Variants in FAM227B observed in about 807,000 individuals in gnomAD.
FAM227B encodes protein FAM227B.
In FAM227B, 88 loss-of-function variants were observed where a neutral mutation model predicts 73.8. The observed-to-expected ratio is 1.19, with a 90% confidence interval of 1.00 to 1.42. FAM227B has a LOEUF of 1.42. Among genes scored for constraint, FAM227B ranks in the 40% most tolerant of loss-of-function variants. FAM227B has a pLI of 0.00. For synonymous variants in FAM227B, 210 were observed against 190.5 expected (o/e 1.10, Z -0.84); for missense variants, 632 against 590.9 (o/e 1.07, Z -0.72).
intron 3 of FAM227B, among the ~76,000 whole-genome samples, chr15:49,601,052 A>G (rs1287628275): frequency 1.3e-5 from 2 of 150,956 alleles, no homozygotes; most frequent in East Asian, 3.9e-4. Flanking sequence ...AAAAAAAAAA[A>G]AAAAGAATTT....
intron 11 of FAM227B, chr15:49,486,482 T>A (rs1288904471): frequency 2.6e-5 from 4 of 151,974 alleles, no homozygotes; most frequent in Non-Finnish European, 5.9e-5. Context: ...TAGCAGACTA[T>A]CTGTTCATAA....
At chr15:49,616,855 C>T (rs1351307637) in intron 1 of FAM227B, among the ~76,000 whole-genome samples, 1 of 152,090 alleles carries the variant, frequency 6.6e-6, no homozygotes, top group African/African-American at 2.4e-5. Flanking sequence ...TCTTTGCAAT[C>T]TGTAGTGTCT....
At chr15:49,421,308 C>T (rs1344075570) in intron 11 of FAM227B, among the ~76,000 whole-genome samples, 1 of 152,078 alleles carries the variant, frequency 6.6e-6, no homozygotes, top group Non-Finnish European at 1.5e-5. Flanking sequence ...GAATTGTGGG[C>T]CCATCCTGAA....
At chr15:49,354,334 C>G (rs2042717399) in intron 13 of FAM227B, among the ~76,000 whole-genome samples, 1 of 152,176 alleles carries the variant, frequency 6.6e-6, no homozygotes, top group Non-Finnish European at 1.5e-5. Context: ...ATCTGAGGTA[C>G]CGGGTTCATC....
rs373620147 is a variant in FAM227B, at chr15:49,328,023, C to T, written c.*545G>A. 33 of 1,613,802 alleles carry T rather than the reference C, an allele frequency of 2.0e-5. No individual in the cohort carries two copies. Among genetic ancestry groups the T allele is most frequent in the Middle Eastern group, 1.6e-4 (1 of 6,080 alleles). ...GGCTGCACAGTATCAATGGTACCTG[C>T]GGACAAGCTGCCCAGCTTTCTAGCA... On this transcript the variant is annotated 3_prime_UTR_variant, in exon 16 of 16. Transcript: ENST00000299338.
At chr15:49,573,845 T>C (rs1465891572) in intron 8 of FAM227B, among the ~76,000 whole-genome samples, 2 of 152,218 alleles carry the variant, frequency 1.3e-5, no homozygotes, top group African/African-American at 4.8e-5. Context: ...TGATTTTCTG[T>C]ATATTCTACC....
Position 49,620,757 on chromosome 15 carries a change from C to G in FAM227B, c.-130G>C, listed in dbSNP as rs926336448. On this transcript the variant is annotated 5_prime_UTR_variant, in exon 1 of 16. Transcript: ENST00000299338. Reference sequence around the variant, plus strand: ...CCGCTTCCCAATTTTGTTGTCCCAGCAAGAATCGGGAGGAAACTGGGTGAA... The same window carrying G: ...CCGCTTCCCAATTTTGTTGTCCCAGGAAGAATCGGGAGGAAACTGGGTGAA... 2 of 152,252 alleles carry G rather than the reference C, an allele frequency of 1.3e-5. No individual in the cohort carries two copies. Among genetic ancestry groups the G allele is most frequent in the Non-Finnish European group, 2.9e-5 (2 of 68,060 alleles). 9.4% of individuals were successfully genotyped at this position (152,252 alleles called of 1,614,324 possible).
At chr15:49,539,165 C>A (rs1216023085) in intron 10 of FAM227B, among the ~76,000 whole-genome samples, 3 of 152,104 alleles carry the variant, frequency 2.0e-5, no homozygotes, top group African/African-American at 4.8e-5. Context: ...GGTGAGCATG[C>A]AACAGCTTAC....
intron 11 of FAM227B, among the ~76,000 whole-genome samples, chr15:49,395,036 G>A (rs1567202633): frequency 1.3e-5 from 2 of 151,958 alleles, no homozygotes; most frequent in South Asian, 2.1e-4. Flanking sequence ...TTGTTGTTAC[G>A]GATTTGTCAG....
chr15:49,387,464 T>C lies in FAM227B; in HGVS notation c.1013-16065A>G, dbSNP rs550228628. ...AGCATCCCTTTATAAGAACCAGGCA[T>C]AGAAGGCACCTATATCAAAATAATA... is the stretch of plus-strand genomic sequence containing the variant. On this transcript the variant is annotated intron_variant, in intron 11 of 15. Transcript: ENST00000299338. Among the ~76,000 whole-genome samples the C allele has an allele frequency of 3.3e-5, 5 of 151,324 alleles. No individual in the cohort carries two copies. In the South Asian group the frequency reaches 1.0e-3, roughly 31 times the overall value.
chr15:49,487,295 AAAATT>A (rs1231202425), intron 11 of FAM227B: 1 of 151,972 alleles, frequency 6.6e-6, no homozygotes, highest in African/African-American at 2.4e-5. Flanking sequence ...TTTGAAAGAT[AAAATT>A]AAATACATGA....
At chr15:49,513,731 TTTTATG>T (rs1394180005) in intron 10 of FAM227B, among the ~76,000 whole-genome samples, 1 of 152,192 alleles carries the variant, frequency 6.6e-6, no homozygotes, top group Non-Finnish European at 1.5e-5. Context: ...CGGTTTTTGG[TTTTATG>T]TTTAAGTCTT....
At chr15:49,401,978 G>A (rs1447673103) in intron 11 of FAM227B, among the ~76,000 whole-genome samples, 1 of 150,966 alleles carries the variant, frequency 6.6e-6, no homozygotes, top group African/African-American at 2.4e-5. Context: ...ATGTGCACAT[G>A]TACCCTAAAA....
chr15:49,373,564 A>C (rs1031127119), intron 11 of FAM227B, among the ~76,000 whole-genome samples: 2 of 152,114 alleles, frequency 1.3e-5, no homozygotes, highest in African/African-American at 2.4e-5. Context: ...AAAATGTCTT[A>C]ACTGTTCTTA....
chr15:49,375,871 G>A (rs928645592), intron 11 of FAM227B, among the ~76,000 whole-genome samples: 1 of 152,054 alleles, frequency 6.6e-6, no homozygotes, highest in Non-Finnish European at 1.5e-5. Flanking sequence ...AATAAAATTA[G>A]AAGGAATTGA....
chr15:49,398,135 A>G (rs1279137190), intron 11 of FAM227B, among the ~76,000 whole-genome samples: 1 of 152,214 alleles, frequency 6.6e-6, no homozygotes, highest in Non-Finnish European at 1.5e-5. Context: ...TAGGCTCAAA[A>G]TAAAAGGTTG....
chr15:49,525,630 C>T (rs1252486440), intron 10 of FAM227B, among the ~76,000 whole-genome samples: 1 of 116,266 alleles, frequency 8.6e-6, no homozygotes, highest in African/African-American at 3.0e-5. Context: ...CAAATGTGTA[C>T]AGATACCTAG....
At chr15:49,480,951 T>C (rs1324932519) in intron 11 of FAM227B, among the ~76,000 whole-genome samples, 1 of 152,242 alleles carries the variant, frequency 6.6e-6, no homozygotes, top group Non-Finnish European at 1.5e-5. Flanking sequence ...ACATTTATGT[T>C]TTACAATTGT....
In FAM227B at chr15:49,620,784, G is replaced by C. The variant is rs2078657901; in HGVS notation, c.-157C>G. On this transcript the variant is annotated 5_prime_UTR_variant, in exon 1 of 16. Transcript: ENST00000299338. ...AGAATCGGGAGGAAACTGGGTGAAA[G>C]GCTGCGAGGCTTGAGGCGGGTCCCG... The C allele has an allele frequency of 6.6e-6, 1 of 152,376 alleles. No individual in the cohort carries two copies. The highest frequency in any genetic ancestry group is 2.4e-5 in the African/African-American group (1 of 41,586). 9.4% of individuals were successfully genotyped at this position (152,376 alleles called of 1,614,324 possible). A position where few individuals can be genotyped will look rare whatever the true frequency, so the allele number is the denominator to read the frequency against.
Sources: gnomAD v4.1 joint callset for allele counts (sites outside exome capture counted in the v4.1 genomes callset) on GRCh38, gnomAD v4.1.1 for gene constraint, MANE v1.5 for transcripts, NCBI Gene and HGNC (gene_info 2026-07-23, HGNC 2026-07-21) for gene names.